The following CNTN1 variants were observed in gnomAD, a reference collection of about 807,000 sequenced individuals.
The protein encoded by CNTN1 is contactin 1.
In CNTN1, 38 loss-of-function variants were observed where a neutral mutation model predicts 126.4. That is an observed-to-expected ratio of 0.30 (90% CI 0.23 to 0.39). CNTN1 has a LOEUF of 0.39. Among genes scored for constraint, CNTN1 ranks in the 10% least tolerant of loss-of-function variants. The pLI, the probability that CNTN1 is intolerant of heterozygous loss-of-function variation, is 1.00. For synonymous variants in CNTN1, 413 were observed against 422.6 expected (o/e 0.98, Z 0.28); for missense variants, 1,009 against 1,248.4 (o/e 0.81, Z 2.89).
At position 40,705,987 on chromosome 12, in the gene CNTN1, A is replaced by G. The variant is rs1591992026; in HGVS notation, c.-77+13395A>G. On this transcript the variant is annotated intron_variant, in intron 1 of 23. Transcript: ENST00000551295. ...GTGCTAAACCATTCATGAGAAATCT[A>G]CCCCAGGATCCAATCATCTCCCACC... is the stretch of plus-strand genomic sequence containing the variant. 3.3e-5 allele frequency among the ~76,000 whole-genome samples: 5 copies of G among 151,954 alleles called. No homozygotes were observed. In the South Asian group the frequency reaches 1.0e-3, roughly 32 times the overall value.
intron 1 of CNTN1, among the ~76,000 whole-genome samples, chr12:40,883,154 AG>A (rs1221570128): frequency 1.3e-4 from 19 of 151,618 alleles, no homozygotes; most frequent in Admixed American, 5.3e-4. Flanking sequence ...GAACCAGGGG[AG>A]GGGTATGTTT....
At chr12:40,756,636 TGTTCCCCGA>T (rs1251736726) in intron 1 of CNTN1, among the ~76,000 whole-genome samples, 1 of 152,124 alleles carries the variant, frequency 6.6e-6, no homozygotes, top group Non-Finnish European at 1.5e-5. Context: ...TTGCACTAGG[TGTTCCCCGA>T]GCCTAGAATG....
At chr12:41,052,577 C>T (rs1446957085) in intron 23 of CNTN1, among the ~76,000 whole-genome samples, 4 of 151,912 alleles carry the variant, frequency 2.6e-5, no homozygotes, top group Non-Finnish European at 4.4e-5. Context: ...CTTTATCATA[C>T]TTTATCTATC....
chr12:40,722,307 T>C (rs1942236714), intron 1 of CNTN1, among the ~76,000 whole-genome samples: 1 of 152,242 alleles, frequency 6.6e-6, no homozygotes, highest in Non-Finnish European at 1.5e-5. Context: ...TTGGTGTGAA[T>C]ATTCACAATA....
chr12:41,009,347 T>G (rs988497617), intron 17 of CNTN1, among the ~76,000 whole-genome samples: 2 of 152,152 alleles, frequency 1.3e-5, no homozygotes, highest in African/African-American at 4.8e-5. Flanking sequence ...GGGGTATAAA[T>G]AGTCATGTCA....
At chr12:40,969,529 C>T (rs555159017) in intron 15 of CNTN1, among the ~76,000 whole-genome samples, 1 of 152,278 alleles carries the variant, frequency 6.6e-6, no homozygotes, top group East Asian at 1.9e-4. Flanking sequence ...GAGTGCTTTT[C>T]CATCATCATG....
At chr12:40,926,885 G>A (rs560294544) in intron 6 of CNTN1, among the ~76,000 whole-genome samples, 44 of 152,182 alleles carry the variant, frequency 2.9e-4, no homozygotes, top group African/African-American at 9.4e-4. Context: ...GTTGAGGGTG[G>A]CATAAAAGTT....
At chr12:40,993,719 TG>T (rs1948148667) in intron 17 of CNTN1, among the ~76,000 whole-genome samples, 1 of 152,192 alleles carries the variant, frequency 6.6e-6, no homozygotes, top group Non-Finnish European at 1.5e-5. Context: ...GCCAAGTCGG[TG>T]GATATTTTAT....
chr12:40,907,246 T>A (rs2136803675), intron 1 of CNTN1, among the ~76,000 whole-genome samples: 1 of 152,260 alleles, frequency 6.6e-6, no homozygotes, highest in African/African-American at 2.4e-5. Flanking sequence ...GAAGGCCCAT[T>A]CCCACCGTGC....
intron 1 of CNTN1, chr12:40,828,317 T>A (rs2136542012): frequency 6.6e-6 from 1 of 152,280 alleles, no homozygotes; most frequent in African/African-American, 2.4e-5. Context: ...TCCAAGGTTT[T>A]TTTTATAGGT....
intron 11 of CNTN1, among the ~76,000 whole-genome samples, chr12:40,938,976 G>A (rs369107143): frequency 5.5e-4 from 83 of 151,960 alleles, no homozygotes; most frequent in African/African-American, 2.0e-3. Flanking sequence ...GAGTTTTGCC[G>A]TGTTACCCAG....
intron 14 of CNTN1, among the ~76,000 whole-genome samples, chr12:40,945,629 A>G (rs1434710862): frequency 2.6e-5 from 4 of 151,922 alleles, no homozygotes; most frequent in South Asian, 4.1e-4. Context: ...AATACTAATT[A>G]CATTGTGCTG....
At chr12:40,737,724 A>G (rs1018594275) in intron 1 of CNTN1, among the ~76,000 whole-genome samples, 1 of 152,038 alleles carries the variant, frequency 6.6e-6, no homozygotes, top group Non-Finnish European at 1.5e-5. Flanking sequence ...GTATCTTTCA[A>G]TCCAATCAAG....
At chr12:40,838,754 A>C (rs2136574405) in intron 1 of CNTN1, among the ~76,000 whole-genome samples, 1 of 152,320 alleles carries the variant, frequency 6.6e-6, no homozygotes, top group South Asian at 2.1e-4. Flanking sequence ...ACTCCATAGA[A>C]ATATCCTTAG....
chr12:41,040,574 T>A (rs1949378382), intron 23 of CNTN1, among the ~76,000 whole-genome samples: 2 of 152,152 alleles, frequency 1.3e-5, no homozygotes, highest in Admixed American at 1.3e-4. Context: ...TTTCTTTGTA[T>A]CCTCTTTTAT....
intron 23 of CNTN1, among the ~76,000 whole-genome samples, chr12:41,044,227 T>A (rs578058558): frequency 2.0e-5 from 3 of 152,064 alleles, no homozygotes; most frequent in South Asian, 4.2e-4. Context: ...GCTAGGATGT[T>A]AGCTTCAAAA....
At chr12:40,917,248 A>T (rs1945278858) in intron 3 of CNTN1, among the ~76,000 whole-genome samples, 1 of 152,056 alleles carries the variant, frequency 6.6e-6, no homozygotes, top group Non-Finnish European at 1.5e-5. Context: ...CATAAACAAA[A>T]TTTTGAAGAG....
intron 17 of CNTN1, among the ~76,000 whole-genome samples, chr12:41,001,747 A>G (rs933544820): frequency 6.6e-6 from 1 of 152,044 alleles, no homozygotes. Context: ...CAGGGTTTTT[A>G]TAGTTTGAGA....
intron 1 of CNTN1, among the ~76,000 whole-genome samples, chr12:40,745,506 C>A (rs1392878590): frequency 6.6e-6 from 1 of 152,066 alleles, no homozygotes; most frequent in African/African-American, 2.4e-5. Flanking sequence ...ATCTAAAGAT[C>A]TGGAATTAAC....
Sources: allele counts gnomAD v4.1 joint callset (sites outside exome capture counted in the v4.1 genomes callset), GRCh38; gene constraint gnomAD v4.1.1; transcripts MANE v1.5; gene names NCBI Gene and HGNC (gene_info 2026-07-23, HGNC 2026-07-21).